Variants in MSI2 observed in about 807,000 individuals in gnomAD.
MSI2 encodes the protein RNA-binding protein Musashi homolog 2.
A neutral mutation model predicts 45.6 loss-of-function variants in MSI2; 17 were observed. The observed-to-expected ratio is 0.37, with a 90% CI of 0.26 to 0.56. The LOEUF is 0.56. MSI2 is among the 20% of genes least tolerant of loss of function. The probability of loss-of-function intolerance (pLI) is 0.77; values close to 1 mark genes in which losing one functional copy is unlikely to be tolerated. For synonymous variants in MSI2, 156 were observed against 158.2 expected, an observed-to-expected ratio of 0.99 and a Z score of 0.11; for missense variants, 293 against 444.2, an observed-to-expected ratio of 0.66 and a Z score of 3.06.
At chr17:57,508,902 G>A (rs1205057391) in intron 6 of MSI2, among the ~76,000 whole-genome samples, 1 of 152,198 alleles carries the variant, frequency 6.6e-6, no homozygotes, top group Non-Finnish European at 1.5e-5. Context: ...GCTGTTCCGG[G>A]ACCCATTCAT....
At chr17:57,257,677 C>A in intron 3 of MSI2, 130 bp downstream of exon 3, 3 of 637,420 alleles carry the variant, frequency 4.7e-6, no homozygotes, top group South Asian at 1.9e-5. Flanking sequence ...TCGAACGGCG[C>A]TCTATACCAC....
At chr17:57,411,965 C>T (rs1243567322) in intron 6 of MSI2, among the ~76,000 whole-genome samples, 3 of 151,204 alleles carry the variant, frequency 2.0e-5, no homozygotes, top group African/African-American at 7.3e-5. Context: ...CAAGATCACA[C>T]CATTGCACTC....
intron 6 of MSI2, among the ~76,000 whole-genome samples, chr17:57,462,973 C>A (rs560136175): frequency 9.2e-5 from 14 of 152,358 alleles, no homozygotes; most frequent in South Asian, 8.3e-4. Context: ...GGGAGACTCC[C>A]GCTTGGATGT....
chr17:57,478,907 C>T (rs776358605), intron 6 of MSI2, among the ~76,000 whole-genome samples: 29 of 152,074 alleles, frequency 1.9e-4, no homozygotes, highest in Non-Finnish European at 3.8e-4. Flanking sequence ...TTTGTTCATT[C>T]GTTCATTCAT....
chr17:57,309,486 G>A (rs1912189984), intron 5 of MSI2, among the ~76,000 whole-genome samples: 1 of 152,192 alleles, frequency 6.6e-6, no homozygotes, highest in Admixed American at 6.5e-5. Context: ...TCCCTACCAT[G>A]GGGAAACGTG....
intron 6 of MSI2, among the ~76,000 whole-genome samples, chr17:57,500,619 G>T (rs577880539): frequency 6.6e-6 from 1 of 151,664 alleles, no homozygotes; most frequent in Non-Finnish European, 1.5e-5. Context: ...CCAGAGCACT[G>T]TCCTGTCTCT....
intron 11 of MSI2, among the ~76,000 whole-genome samples, chr17:57,674,081 T>C (rs1287844044): frequency 1.3e-5 from 2 of 151,684 alleles, no homozygotes; most frequent in Admixed American, 1.3e-4. Flanking sequence ...AGGTTTACCA[T>C]TCCCCCCCAT....
At chr17:57,573,788 G>A (rs570735068) in intron 7 of MSI2, among the ~76,000 whole-genome samples, 19 of 152,324 alleles carry the variant, frequency 1.2e-4, no homozygotes, top group Middle Eastern at 3.4e-3. Flanking sequence ...CCAGCTCAGC[G>A]ACTCCCTGAT....
At chr17:57,281,170 A>G (rs1004220786) in intron 5 of MSI2, among the ~76,000 whole-genome samples, 8 of 151,202 alleles carry the variant, frequency 5.3e-5, no homozygotes, top group Admixed American at 5.2e-4. Flanking sequence ...TGCTCAACCT[A>G]TGGGAATATG....
chr17:57,408,481 G>A (rs956242114), intron 6 of MSI2, among the ~76,000 whole-genome samples: 4 of 152,192 alleles, frequency 2.6e-5, no homozygotes, highest in Admixed American at 1.3e-4. Context: ...CTGTTTGACC[G>A]CATTTCCTGG....
chr17:57,639,724 A>C (rs972942243), intron 10 of MSI2, among the ~76,000 whole-genome samples: 2 of 151,446 alleles, frequency 1.3e-5, no homozygotes, highest in African/African-American at 4.9e-5. Flanking sequence ...TTTGCAGGGA[A>C]AGGTGTGAGG....
intron 1 of MSI2, 120 bp downstream of exon 1, chr17:57,256,924 C>A (rs1268075614): frequency 4.1e-6 from 2 of 491,068 alleles, no homozygotes; most frequent in East Asian, 1.2e-4. Context: ...GCGCGCCCCC[C>A]CCGTGGAAGT....
chr17:57,502,419 A>T (rs1474386945), intron 6 of MSI2, among the ~76,000 whole-genome samples: 4 of 151,742 alleles, frequency 2.6e-5, no homozygotes, highest in Non-Finnish European at 2.9e-5. Context: ...TTCCTCATTG[A>T]TAACATGGAG....
rs765785911 is a variant in MSI2, at chr17:57,285,889, G to C, written c.312+23697G>C. The C allele has an allele frequency of 5.9e-6, 9 of 1,529,740 alleles. No homozygotes were observed. In the South Asian group the frequency reaches 1.1e-4, roughly 19 times the overall value. The allele number at this position is 1,529,740 out of a possible 1,614,324, so 94.8% of individuals were successfully genotyped here. On this transcript the variant is annotated intron_variant, in intron 5 of 13. Transcript: ENST00000284073. ...TTTTCCGAACAGGTGTTTAGATGAT[G>C]AGGGGTTATATTAAGAAAGTACTAA...
chr17:57,277,127 C>T (rs1644066235), intron 5 of MSI2, among the ~76,000 whole-genome samples: 1 of 147,170 alleles, frequency 6.8e-6, no homozygotes, highest in South Asian at 2.1e-4. Flanking sequence ...AGGATCTGGG[C>T]TCACTGCAGC....
intron 6 of MSI2, among the ~76,000 whole-genome samples, chr17:57,471,211 A>G (rs1317575788): frequency 6.7e-6 from 1 of 149,982 alleles, no homozygotes; most frequent in Admixed American, 6.6e-5. Context: ...GCTCCATCCA[A>G]GGTTTCTCGA....
At chr17:57,510,661 C>T (rs1201526393) in intron 6 of MSI2, among the ~76,000 whole-genome samples, 1 of 152,170 alleles carries the variant, frequency 6.6e-6, no homozygotes, top group African/African-American at 2.4e-5. Context: ...CTCCTGACCT[C>T]AGGTGATCCA....
chr17:57,450,274 A>AGAAAGAAG (rs1555607245), intron 6 of MSI2: 65 of 125,028 alleles, frequency 5.2e-4, no homozygotes, highest in Admixed American at 8.5e-4. Context: ...AAAGAAAGAA[A>AGAAAGAAG]GAAAGAAAGA....
At chr17:57,669,429 A>G (rs570778630) in intron 11 of MSI2, among the ~76,000 whole-genome samples, 28 of 152,312 alleles carry the variant, frequency 1.8e-4, no homozygotes, top group African/African-American at 5.5e-4. Flanking sequence ...CCCTCTGACT[A>G]GGAACATAGA....
Sources: gnomAD v4.1 joint callset for allele counts (sites outside exome capture counted in the v4.1 genomes callset) on GRCh38, gnomAD v4.1.1 for gene constraint, MANE v1.5 for transcripts, NCBI Gene and HGNC (gene_info 2026-07-23, HGNC 2026-07-21) for gene names.